SLC35D1: variants seen among roughly 807,000 people sequenced by gnomAD.
The protein encoded by SLC35D1 is solute carrier family 35 member D1.
A neutral mutation model predicts 46.7 loss-of-function variants in SLC35D1; 31 were observed. The ratio of observed to expected loss-of-function variants is 0.66; its 90% CI spans 0.50 to 0.90. The LOEUF (loss-of-function observed/expected upper bound fraction) is 0.90. Ranked by LOEUF, SLC35D1 falls within the 40% of genes least tolerant of loss-of-function variation. The probability of loss-of-function intolerance (pLI) is 0.00; values close to 1 mark genes in which losing one functional copy is unlikely to be tolerated. For synonymous variants in SLC35D1, 195 were observed against 164.6 expected (o/e 1.18, Z -1.41); for missense variants, 397 against 426.2 (o/e 0.93, Z 0.60).
At chr1:66,997,529 T>TATATAC (rs34680926), downstream of SLC35D1, among the ~76,000 whole-genome samples, 3 of 138,314 alleles carry the variant, frequency 2.2e-5, no homozygotes, top group African/African-American at 7.9e-5. Context: ...AATATATATA[T>TATATAC]ATATATATAA....
At chr1:67,021,712 G>GACACACACACACACACAC (rs1238454225) in intron 8 of SLC35D1, 110 bp from the exon 9 acceptor site, 3 of 308,280 alleles carry the variant, frequency 9.7e-6, no homozygotes, top group African/African-American at 8.4e-5. Context: ...CACAGACACA[G>GACACACACACACACACAC]ACACAGACAC....
intron 4 of SLC35D1, among the ~76,000 whole-genome samples, chr1:67,051,300 A>T (rs1452061932): frequency 6.6e-6 from 1 of 152,214 alleles, no homozygotes; most frequent in Non-Finnish European, 1.5e-5. Context: ...TCTATTTTAC[A>T]ATGCCAGGGT....
At chr1:66,985,814 ATTTTTTTT>A in the SLC35D1 span, 60 of 630,476 alleles carry the variant, frequency 9.5e-5, no homozygotes, top group Admixed American at 1.4e-4. Context: ...GGATTATAAA[ATTTTTTTT>A]TTTTTTTTTT....
chr1:67,018,441 C>G (rs1003821268), intron 10 of SLC35D1, among the ~76,000 whole-genome samples: 3 of 152,124 alleles, frequency 2.0e-5, no homozygotes, highest in Non-Finnish European at 4.4e-5. Context: ...GTATCCTAAG[C>G]AAGGCTGGCT....
chr1:66,986,352 C>T, the SLC35D1 span: 3 of 1,588,130 alleles, frequency 1.9e-6, no homozygotes, highest in African/African-American at 4.1e-5. Context: ...ATAGACCAAC[C>T]TATATCCAAA....
chr1:66,989,272 G>A, the SLC35D1 span, among the ~76,000 whole-genome samples: 1 of 152,088 alleles, frequency 6.6e-6, no homozygotes, highest in Non-Finnish European at 1.5e-5. Flanking sequence ...ATTTGGCCTG[G>A]TTATAGAACA....
At chr1:66,997,519 AATATAT>A (rs35571347), downstream of SLC35D1, among the ~76,000 whole-genome samples, 5 of 74,030 alleles carry the variant, frequency 6.8e-5, no homozygotes, top group East Asian at 1.7e-3. Flanking sequence ...AAAAAAAAAA[AATATAT>A]ATATATATAT....
intron 8 of SLC35D1, among the ~76,000 whole-genome samples, chr1:67,022,727 T>C (rs1015701378): frequency 8.5e-5 from 13 of 152,224 alleles, no homozygotes; most frequent in Non-Finnish European, 1.8e-4. Flanking sequence ...AAATTAATTT[T>C]AAGTGTTCAA....
At chr1:67,035,839 T>C (rs1281831350) in intron 8 of SLC35D1, among the ~76,000 whole-genome samples, 1 of 149,362 alleles carries the variant, frequency 6.7e-6, no homozygotes, top group Admixed American at 6.8e-5. Context: ...GCATTTACAG[T>C]TGTAAACTTA....
chr1:67,052,654 C>A lies in SLC35D1; in HGVS notation c.324+117G>T, dbSNP rs565483697. ...TTTTATTCTTTACATTCATTATAAC[C>A]ACTCTAGACTGGGCAATTTTGAGGC... is the stretch of plus-strand genomic sequence containing the variant. On this transcript the variant is annotated intron_variant, in intron 3 of 11. Coordinates refer to ENST00000235345, the MANE Select transcript of SLC35D1 (RefSeq NM_015139.3). 7.2e-5 allele frequency: 68 copies of A among 943,724 alleles called. 1 individual carries two copies. The South Asian group carries it at 8.7e-4, about 12-fold the overall frequency. 58.5% of individuals were successfully genotyped at this position (943,724 alleles called of 1,614,324 possible).
intron 8 of SLC35D1, among the ~76,000 whole-genome samples, chr1:67,031,680 A>AT: frequency 6.6e-6 from 1 of 152,312 alleles, no homozygotes; most frequent in Middle Eastern, 3.4e-3. Context: ...CCATGTGGCC[A>AT]TCATAGTTAT....
At chr1:66,984,779 A>G in the SLC35D1 span, 1 of 1,614,066 alleles carries the variant, frequency 6.2e-7, no homozygotes, top group Non-Finnish European at 8.5e-7. Flanking sequence ...GAAAAAAGTG[A>G]GAGACCTGCC....
chr1:67,022,092 T>C (rs1667819058), intron 8 of SLC35D1, among the ~76,000 whole-genome samples: 1 of 152,202 alleles, frequency 6.6e-6, no homozygotes, highest in South Asian at 2.1e-4. Context: ...TCAAGGAGAA[T>C]TACTGTTTTA....
chr1:67,037,783 T>C (rs78032746), intron 8 of SLC35D1, among the ~76,000 whole-genome samples: 2 of 152,202 alleles, frequency 1.3e-5, no homozygotes, highest in Admixed American at 6.5e-5. Flanking sequence ...TGAGTTTGCA[T>C]GTCATGGTAA....
intron 10 of SLC35D1, among the ~76,000 whole-genome samples, chr1:67,010,568 C>T (rs72927953): frequency 0.076 from 11,571 of 152,168 alleles, 553 homozygotes; most frequent in African/African-American, 0.13. Context: ...AAAATTTAAA[C>T]TAGAGGCTGA....
At chr1:67,019,007 G>C (rs1667740893) in intron 10 of SLC35D1, among the ~76,000 whole-genome samples, 1 of 152,196 alleles carries the variant, frequency 6.6e-6, no homozygotes, top group African/African-American at 2.4e-5. Flanking sequence ...ACCCTGGAAT[G>C]AGTAAATCCA....
intron 11 of SLC35D1, among the ~76,000 whole-genome samples, chr1:67,008,145 G>A (rs1241149418): frequency 6.6e-6 from 1 of 152,108 alleles, no homozygotes; most frequent in East Asian, 1.9e-4. Flanking sequence ...ACTACCAACT[G>A]TTTTATTTTG....
At chr1:66,978,465 A>G in the SLC35D1 span, among the ~76,000 whole-genome samples, 1 of 152,188 alleles carries the variant, frequency 6.6e-6, no homozygotes. Flanking sequence ...AATTTCATAA[A>G]TAGCAGTATT....
Position 67,053,747 on chromosome 1 carries a change from C to T in SLC35D1, c.203+64G>A, listed in dbSNP as rs141985685. 3.1e-3 allele frequency: 4,250 copies of T among 1,373,204 alleles called. 122 individuals are homozygous for T. In the African/African-American group the frequency reaches 0.055, roughly 18 times the overall value. 85.1% of individuals were successfully genotyped at this position (1,373,204 alleles called of 1,614,324 possible). A position where few individuals can be genotyped will look rare whatever the true frequency, so the allele number is the denominator to read the frequency against. On this transcript the variant is annotated intron_variant, in intron 1 of 11. Coordinates refer to ENST00000235345, the MANE Select transcript of SLC35D1 (RefSeq NM_015139.3). ...TGGCAGTCAAAGTCCAGGGAGCCGG[C>T]GCCGCGCCGCCGCCGCCGCCCGCTC...
Sources: gnomAD v4.1 joint callset for allele counts (sites outside exome capture counted in the v4.1 genomes callset) on GRCh38, gnomAD v4.1.1 for gene constraint, MANE v1.5 for transcripts, NCBI Gene and HGNC (gene_info 2026-07-23, HGNC 2026-07-21) for gene names.